Variants in ROBO2 observed in about 807,000 individuals in gnomAD.
ROBO2 encodes the protein roundabout homolog 2.
A neutral mutation model predicts 160.8 loss-of-function variants in ROBO2; 53 were observed. The observed-to-expected ratio is 0.33, with a 90% CI of 0.26 to 0.41. The LOEUF (loss-of-function observed/expected upper bound fraction) is 0.41. ROBO2 is among the 10% of genes least tolerant of loss of function. The pLI is 1.00. For missense variants in ROBO2, 1,577 were observed against 1,722.4 expected, an observed-to-expected ratio of 0.92 and a Z score of 1.49; for synonymous variants, 664 against 611.7, an observed-to-expected ratio of 1.09 and a Z score of -1.26.
chr3:76,769,626 A>G (rs1314337819), intron 2 of ROBO2, among the ~76,000 whole-genome samples: 3 of 151,430 alleles, frequency 2.0e-5, no homozygotes, highest in African/African-American at 7.3e-5. Flanking sequence ...TATGCTTGTA[A>G]TCTACTTTTA....
intron 2 of ROBO2, among the ~76,000 whole-genome samples, chr3:77,142,337 T>C (rs1388118096): frequency 1.3e-5 from 2 of 152,188 alleles, no homozygotes; most frequent in Non-Finnish European, 2.9e-5. Context: ...GAAATACACT[T>C]GTATAGATAA....
chr3:76,718,517 T>C (rs2107684528), intron 2 of ROBO2, among the ~76,000 whole-genome samples: 1 of 152,308 alleles, frequency 6.6e-6, no homozygotes, highest in Non-Finnish European at 1.5e-5. Flanking sequence ...TTCTCAATTT[T>C]CATCTTGGAA....
intron 2 of ROBO2, among the ~76,000 whole-genome samples, chr3:76,966,564 T>C (rs1167429795): frequency 6.6e-6 from 1 of 152,176 alleles, no homozygotes; most frequent in Non-Finnish European, 1.5e-5. Flanking sequence ...TATGAACGAA[T>C]GTATAACTTA....
intron 2 of ROBO2, among the ~76,000 whole-genome samples, chr3:76,361,773 G>A (rs2075536846): frequency 6.6e-6 from 1 of 152,034 alleles, no homozygotes; most frequent in African/African-American, 2.4e-5. Context: ...GAAACACACC[G>A]TGAAGTATAT....
At chr3:76,438,410 TCACACA>T (rs35326545) in intron 2 of ROBO2, among the ~76,000 whole-genome samples, 1,529 of 146,292 alleles carry the variant, frequency 0.01, 29 homozygotes, top group African/African-American at 0.035. Flanking sequence ...TGTAATCAGT[TCACACA>T]CACACACACA....
chr3:76,748,478 A>C (rs1373000362), intron 2 of ROBO2, among the ~76,000 whole-genome samples: 2 of 151,778 alleles, frequency 1.3e-5, no homozygotes, highest in Non-Finnish European at 2.9e-5. Context: ...ATGTATATGT[A>C]ATTCATATAA....
chr3:77,413,212 T>C (rs1460130141), intron 2 of ROBO2, among the ~76,000 whole-genome samples: 1 of 152,024 alleles, frequency 6.6e-6, no homozygotes, highest in African/African-American at 2.4e-5. Context: ...CATAATTGTT[T>C]TAGGATGAAA....
At chr3:76,524,826 TA>T (rs58091252) in intron 2 of ROBO2, among the ~76,000 whole-genome samples, 18 of 21,736 alleles carry the variant, frequency 8.3e-4, no homozygotes, top group Non-Finnish European at 8.2e-4. Context: ...CTCTTATTCC[TA>T]AAAAAAAAAA....
chr3:76,484,537 C>G lies in ROBO2; in HGVS notation c.109+546935C>G, dbSNP rs543423244. Among the ~76,000 whole-genome samples, 3 of 152,072 alleles carry G rather than the reference C, an allele frequency of 2.0e-5. No homozygotes were observed. In the East Asian group the frequency reaches 5.8e-4, roughly 29 times the overall value. ...ATTAACAACTTAAAGCCAAATACTC[C>G]TCTCTCCCCAGGAGAAGTTGAAATT... On this transcript the variant is annotated intron_variant, in intron 2 of 26. Transcript: ENST00000487694.
At chr3:77,139,618 T>C (rs1190071323) in intron 2 of ROBO2, among the ~76,000 whole-genome samples, 1 of 152,240 alleles carries the variant, frequency 6.6e-6, no homozygotes, top group Admixed American at 6.5e-5. Context: ...AGTTCATAGC[T>C]GTAAAGATCA....
chr3:77,551,335 T>A (rs1286301868), intron 8 of ROBO2, among the ~76,000 whole-genome samples: 1 of 152,074 alleles, frequency 6.6e-6, no homozygotes, highest in Non-Finnish European at 1.5e-5. Flanking sequence ...ATTAATAATT[T>A]TATTTCACTC....
intron 2 of ROBO2, chr3:76,311,242 A>G (rs2071567472): frequency 6.6e-6 from 1 of 152,212 alleles, no homozygotes; most frequent in African/African-American, 2.4e-5. Flanking sequence ...TTTCATAACC[A>G]GGAGGGAAGA....
At chr3:77,156,803 A>G (rs2078053636) in intron 2 of ROBO2, among the ~76,000 whole-genome samples, 1 of 151,064 alleles carries the variant, frequency 6.6e-6, no homozygotes, top group Non-Finnish European at 1.5e-5. Context: ...AATATTCATT[A>G]GAATGTATAA....
chr3:76,763,829 G>T (rs181208790), intron 2 of ROBO2, among the ~76,000 whole-genome samples: 1 of 151,706 alleles, frequency 6.6e-6, no homozygotes, highest in Non-Finnish European at 1.5e-5. Flanking sequence ...CTTTGCCAGC[G>T]CAGTTTGAAT....
At chr3:77,646,450 A>G (rs1473637570) in exon 26 of ROBO2, 1 of 168,208 alleles carries the variant, frequency 5.9e-6, no homozygotes, top group Non-Finnish European at 1.3e-5. Context: ...GGTGCCATAT[A>G]TTAACTTTTA....
intron 2 of ROBO2, among the ~76,000 whole-genome samples, chr3:76,107,424 TCA>T (rs2069990743): frequency 6.6e-6 from 1 of 152,108 alleles, no homozygotes; most frequent in African/African-American, 2.4e-5. Context: ...AGAACAACTC[TCA>T]GAGAACCAAA....
chr3:76,997,249 A>G (rs555966255), intron 2 of ROBO2, among the ~76,000 whole-genome samples: 1 of 152,284 alleles, frequency 6.6e-6, no homozygotes, highest in African/African-American at 2.4e-5. Flanking sequence ...ATATGTGACC[A>G]TATGTGTTAA....
At chr3:76,062,246 T>G (rs1477880558) in intron 2 of ROBO2, among the ~76,000 whole-genome samples, 3 of 152,160 alleles carry the variant, frequency 2.0e-5, no homozygotes, top group African/African-American at 7.2e-5. Context: ...GGTGCAACAG[T>G]AAAATTTAAA....
intron 2 of ROBO2, among the ~76,000 whole-genome samples, chr3:76,294,896 A>G (rs890742903): frequency 2.0e-5 from 3 of 152,190 alleles, no homozygotes; most frequent in East Asian, 1.9e-4. Context: ...GGTTTCTTTA[A>G]TAGTCTCCAA....
Sources: gnomAD v4.1 joint callset for allele counts (sites outside exome capture counted in the v4.1 genomes callset) on GRCh38, gnomAD v4.1.1 for gene constraint, MANE v1.5 for transcripts, NCBI Gene and HGNC (gene_info 2026-07-23, HGNC 2026-07-21) for gene names.